The following RBM33 variants were observed in gnomAD, a reference collection of about 807,000 sequenced individuals.
The protein encoded by RBM33 is RNA binding motif protein 33, also known as RNA-binding protein 33.
RBM33 carries 28 observed loss-of-function variants against 132.6 expected under a neutral mutation model. That is an observed-to-expected ratio of 0.21 (90% CI 0.16 to 0.29). The LOEUF is 0.29. Among genes scored for constraint, RBM33 ranks in the 10% least tolerant of loss-of-function variants. RBM33 has a pLI of 1.00. For missense variants in RBM33, 1,291 were observed against 1,518.5 expected (o/e 0.85, Z 2.49); for synonymous variants, 634 against 593.0 (o/e 1.07, Z -1.01).
intron 3 of RBM33, among the ~76,000 whole-genome samples, chr7:155,673,939 A>AGTTGTTGTTTGTTTTTTTTTTT (rs144951964): frequency 2.1e-4 from 3 of 14,348 alleles, no homozygotes; most frequent in Non-Finnish European, 4.5e-4. Flanking sequence ...GTTTAGGCTT[A>AGTTGTTGTTTGTTTTTTTTTTT]GTTTTTTTTT....
chr7:155,688,384 G>T (rs1275766113), intron 5 of RBM33, among the ~76,000 whole-genome samples: 4 of 152,146 alleles, frequency 2.6e-5, no homozygotes, highest in Admixed American at 6.5e-5. Flanking sequence ...GGGCTGAGAC[G>T]ATGGGGTTTT....
chr7:155,673,417 T>G (rs796406296), intron 3 of RBM33, among the ~76,000 whole-genome samples: 5,394 of 141,504 alleles, frequency 0.038, 290 homozygotes, highest in African/African-American at 0.12. Context: ...TGTGTGTGTG[T>G]GTGTGTGTGT....
chr7:155,764,570 C>T (rs1802150991), intron 15 of RBM33, among the ~76,000 whole-genome samples: 1 of 152,262 alleles, frequency 6.6e-6, no homozygotes, highest in South Asian at 2.1e-4. Context: ...ATCCCCCTTT[C>T]TGTTGGAGTG....
chr7:155,664,241 A>ATG (rs1225756348), intron 1 of RBM33, among the ~76,000 whole-genome samples: 2,854 of 151,136 alleles, frequency 0.019, 94 homozygotes, highest in African/African-American at 0.067. Context: ...TTATATATAT[A>ATG]TATGTGTGTG....
In RBM33 at chr7:155,673,759, C is replaced by T. The variant is rs1218557562; in HGVS notation, c.171+844C>T. 2.6e-4 allele frequency among the ~76,000 whole-genome samples: 17 copies of T among 64,994 alleles called. 2 individuals are homozygous for T. Among genetic ancestry groups the T allele is most frequent in the African/African-American group, 6.2e-4 (12 of 19,476 alleles). The allele number at this position is 64,994 out of a possible 152,430, so 42.6% of individuals were successfully genotyped here. ...ATACATACACACGTGTATATACGCG[C>T]GCATGCGCGCACACACACACACACA... On this transcript the variant is annotated intron_variant, in intron 3 of 17. Transcript: ENST00000401878.
chr7:155,755,245 C>T (rs994696560), intron 14 of RBM33, among the ~76,000 whole-genome samples: 2 of 152,134 alleles, frequency 1.3e-5, no homozygotes, highest in Admixed American at 1.3e-4. Flanking sequence ...ATGGCCTTAT[C>T]GAAAGGAGAA....
At chr7:155,691,638 A>T (rs930593692) in intron 5 of RBM33, among the ~76,000 whole-genome samples, 2 of 152,220 alleles carry the variant, frequency 1.3e-5, no homozygotes, top group African/African-American at 4.8e-5. Flanking sequence ...CAGTTAAAGA[A>T]TGTTAACAAG....
rs569258814 is a variant in RBM33, at chr7:155,701,049, T to TGA, written c.739+106_739+107insAG. On this transcript the variant is annotated intron_variant, in intron 6 of 17. Coordinates refer to ENST00000401878, the MANE Select transcript of RBM33 (RefSeq NM_053043.3). ...AGGCAAAGAAGGTTGACTAGGTAAT[T>TGA]GCGGCTGCCGTCCGGAGAGTGGCCG... 1.6e-3 allele frequency: 1,614 copies of TGA among 995,654 alleles called. 1 individual carries two copies. The highest frequency in any genetic ancestry group is 2.1e-3 in the Non-Finnish European group (1,336 of 639,400). The allele number at this position is 995,654 out of a possible 1,614,324, so 61.7% of individuals were successfully genotyped here. A position where few individuals can be genotyped will look rare whatever the true frequency, so the allele number is the denominator to read the frequency against.
At chr7:155,733,664 A>G (rs1801024122) in intron 9 of RBM33, among the ~76,000 whole-genome samples, 1 of 152,178 alleles carries the variant, frequency 6.6e-6, no homozygotes, top group Non-Finnish European at 1.5e-5. Context: ...CTGGCCCTTA[A>G]GTTCTGCAAG....
At chr7:155,700,423 A>G (rs561032322) in intron 5 of RBM33, among the ~76,000 whole-genome samples, 7 of 152,228 alleles carry the variant, frequency 4.6e-5, no homozygotes, top group African/African-American at 7.2e-5. Context: ...GAATTTCACT[A>G]TGATCTGTAT....
intron 3 of RBM33, among the ~76,000 whole-genome samples, chr7:155,673,262 T>C (rs1226944867): frequency 2.6e-5 from 4 of 152,152 alleles, no homozygotes; most frequent in East Asian, 1.9e-4. Flanking sequence ...TTTCACTTTT[T>C]GGAGGCATTC....
At chr7:155,716,314 C>CTTTTTTTTTTTTTTTTTTTTTT (rs1563157893) in intron 8 of RBM33, among the ~76,000 whole-genome samples, 1 of 43,576 alleles carries the variant, frequency 2.3e-5, no homozygotes, top group African/African-American at 1.4e-4. Context: ...TCCTTTTCTG[C>CTTTTTTTTTTTTTTTTTTTTTT]TGTTTTTTTT....
intron 7 of RBM33, among the ~76,000 whole-genome samples, chr7:155,710,597 T>G (rs1800252968): frequency 6.6e-6 from 1 of 152,210 alleles, no homozygotes; most frequent in African/African-American, 2.4e-5. Flanking sequence ...CAGGTGGGTC[T>G]GTGCTGCTTC....
intron 9 of RBM33, among the ~76,000 whole-genome samples, chr7:155,720,768 G>T (rs1203433522): frequency 6.6e-6 from 1 of 152,216 alleles, no homozygotes; most frequent in African/African-American, 2.4e-5. Context: ...GTGGCTGGAG[G>T]TGCTGCAGGC....
chr7:155,653,961 A>G (rs143840538), intron 1 of RBM33, among the ~76,000 whole-genome samples: 1 of 152,332 alleles, frequency 6.6e-6, no homozygotes, highest in African/African-American at 2.4e-5. Context: ...CGAACTCCAG[A>G]TGATTAGTAT....
intron 3 of RBM33, among the ~76,000 whole-genome samples, chr7:155,677,898 A>G (rs1170353935): frequency 1.3e-5 from 2 of 152,202 alleles, no homozygotes; most frequent in Non-Finnish European, 2.9e-5. Context: ...ATTTATACAT[A>G]TAAGTAATTT....
chr7:155,767,933 G>T (rs560126183), intron 16 of RBM33, among the ~76,000 whole-genome samples: 1 of 152,348 alleles, frequency 6.6e-6, no homozygotes, highest in South Asian at 2.1e-4. Flanking sequence ...AATGGTGATG[G>T]AGAATTCTGG....
chr7:155,668,692 A>G (rs928025857), intron 2 of RBM33, among the ~76,000 whole-genome samples: 18 of 152,208 alleles, frequency 1.2e-4, no homozygotes, highest in Admixed American at 7.8e-4. Flanking sequence ...AGGGTAAGTG[A>G]TTGAGTCTTT....
At chr7:155,742,399 A>G (rs1475888782) in intron 13 of RBM33, among the ~76,000 whole-genome samples, 1 of 152,246 alleles carries the variant, frequency 6.6e-6, no homozygotes, top group Non-Finnish European at 1.5e-5. Context: ...TATTTTATAA[A>G]TATTTTAGAC....
Sources: allele counts gnomAD v4.1 joint callset (sites outside exome capture counted in the v4.1 genomes callset), GRCh38; gene constraint gnomAD v4.1.1; transcripts MANE v1.5; gene names NCBI Gene and HGNC (gene_info 2026-07-23, HGNC 2026-07-21).